DOCK1: variants seen among roughly 807,000 people sequenced by gnomAD.
The protein encoded by DOCK1 is dedicator of cytokinesis protein 1.
DOCK1 carries 138 observed loss-of-function variants against 262.7 expected under a neutral mutation model. That is an observed-to-expected ratio of 0.53 (90% CI 0.46 to 0.61). The LOEUF (loss-of-function observed/expected upper bound fraction) is 0.61, where lower values mean the gene tolerates loss of function less well. DOCK1 is among the 20% of genes least tolerant of loss of function. The probability of loss-of-function intolerance (pLI) is 0.00; values close to 1 mark genes in which losing one functional copy is unlikely to be tolerated. For missense variants in DOCK1, 1,908 were observed against 2,370.7 expected, an observed-to-expected ratio of 0.80 and a Z score of 4.05; for synonymous variants, 866 against 867.4, an observed-to-expected ratio of 1.00 and a Z score of 0.03.
At chr10:127,434,437 G>A (rs1565090097) in intron 48 of DOCK1, among the ~76,000 whole-genome samples, 3 of 152,010 alleles carry the variant, frequency 2.0e-5, no homozygotes, top group East Asian at 3.9e-4. Flanking sequence ...AAGCTCAAGC[G>A]ATCATAACCA....
intron 27 of DOCK1, among the ~76,000 whole-genome samples, chr10:127,180,994 A>T (rs1041720974): frequency 6.6e-6 from 1 of 152,180 alleles, no homozygotes; most frequent in African/African-American, 2.4e-5. Flanking sequence ...AAAATAACAC[A>T]AGGTAAAATC....
At chr10:127,392,440 T>C (rs925883903) in intron 38 of DOCK1, among the ~76,000 whole-genome samples, 7 of 152,096 alleles carry the variant, frequency 4.6e-5, no homozygotes, top group Non-Finnish European at 7.4e-5. Flanking sequence ...CACTCCATTT[T>C]TTTAAATAGC....
intron 1 of DOCK1, among the ~76,000 whole-genome samples, chr10:126,949,444 A>G (rs1264034215): frequency 6.6e-6 from 1 of 152,126 alleles, no homozygotes; most frequent in Non-Finnish European, 1.5e-5. Context: ...TATACATGGC[A>G]GTCCAAAGTG....
In DOCK1 at chr10:127,052,766, C is replaced by G; in HGVS notation, c.2287C>G (p.Leu763Val). The G allele has an allele frequency of 6.2e-7, 1 of 1,613,972 alleles. No homozygotes were observed. Among genetic ancestry groups the G allele is most frequent in the Non-Finnish European group, 8.5e-7 (1 of 1,179,888 alleles). Residue 763 changes from leucine to valine, a missense_variant, in exon 22 of 52, where the codon CTA becomes GTA. This residue lies in a region of DOCK1 where 518 missense variants were observed against 575.1 expected (regional missense o/e 0.90). Transcript: ENST00000623213. ...GCAGCTGTACAAAGCCATGAAAGCG[C>G]TAGAATCCATCTTCAAGTTCATCGT... ...NEQLYKAMKA[L>V]ESIFKFIVRS...
intron 6 of DOCK1, among the ~76,000 whole-genome samples, chr10:126,993,565 A>G (rs1445618458): frequency 6.6e-6 from 1 of 152,210 alleles, no homozygotes; most frequent in Non-Finnish European, 1.5e-5. Flanking sequence ...ACATATTACA[A>G]AAATAACTAA....
At chr10:127,080,811 G>A (rs1295962866) in intron 23 of DOCK1, among the ~76,000 whole-genome samples, 1 of 152,026 alleles carries the variant, frequency 6.6e-6, no homozygotes, top group Non-Finnish European at 1.5e-5. Context: ...GACACCTTTG[G>A]TCTTTTATTT....
At chr10:127,262,212 G>A (rs1433879999) in intron 29 of DOCK1, among the ~76,000 whole-genome samples, 1 of 110,580 alleles carries the variant, frequency 9.0e-6, no homozygotes, top group Non-Finnish European at 1.9e-5. Flanking sequence ...CTGTGTGTGT[G>A]CGTGTGTGTG....
rs116476190 is a variant in DOCK1 at position 127,071,307 on chromosome 10, A to G, written c.2445+9531A>G. Among the ~76,000 whole-genome samples the G allele has an allele frequency of 6.3e-3, 959 of 152,142 alleles. 6 individuals carry two copies. Among genetic ancestry groups the G allele is most frequent in the African/African-American group, 0.022 (920 of 41,498 alleles). On this transcript the variant is annotated intron_variant, in intron 23 of 51. Coordinates refer to ENST00000623213, the MANE Select transcript of DOCK1 (RefSeq NM_001290223.2). ...TGCCCGCTCTGGAGGGAACAATACC[A>G]CTCACATAGGCAAGAATTAATCAGG...
intron 1 of DOCK1, among the ~76,000 whole-genome samples, chr10:126,934,538 T>C (rs2034419959): frequency 6.6e-6 from 1 of 152,220 alleles, no homozygotes; most frequent in African/African-American, 2.4e-5. Context: ...TATAACATTA[T>C]CTTTAAAAAT....
At chr10:127,094,877 T>G (rs759616633) in intron 23 of DOCK1, among the ~76,000 whole-genome samples, 3 of 152,164 alleles carry the variant, frequency 2.0e-5, no homozygotes, top group Admixed American at 6.5e-5. Flanking sequence ...TCTCCATCAT[T>G]TGGAAGTCAC....
intron 33 of DOCK1, among the ~76,000 whole-genome samples, chr10:127,362,632 T>G (rs2133934196): frequency 6.6e-6 from 1 of 152,320 alleles, no homozygotes; most frequent in Non-Finnish European, 1.5e-5. Flanking sequence ...AGTGTGTGTC[T>G]TGTTCTTTTG....
chr10:126,971,572 A>G (rs897685862), intron 2 of DOCK1, among the ~76,000 whole-genome samples: 6 of 151,974 alleles, frequency 3.9e-5, no homozygotes, highest in Non-Finnish European at 8.8e-5. Flanking sequence ...GCATGCTGCC[A>G]CACTCAGCTA....
intron 14 of DOCK1, among the ~76,000 whole-genome samples, 152 bp downstream of exon 14, chr10:127,023,476 C>T (rs1402952962): frequency 6.6e-6 from 1 of 151,080 alleles, no homozygotes; most frequent in East Asian, 1.9e-4. Flanking sequence ...TTTTCTCCAG[C>T]TTGCCATGCA....
At chr10:127,061,168 C>T (rs1486244625) in intron 22 of DOCK1, among the ~76,000 whole-genome samples, 1 of 152,098 alleles carries the variant, frequency 6.6e-6, no homozygotes, top group Non-Finnish European at 1.5e-5. Context: ...GCGGTGGTTG[C>T]AGTGAGCCGA....
At position 127,032,159 on chromosome 10, in the gene DOCK1, A is replaced by G; in HGVS notation, c.1751A>G (p.Asp584Gly). The change falls in exon 18 of 52, where the codon GAT (aspartate) becomes GGT (glycine). Residue 584 changes from aspartate (D) to glycine (G), a missense_variant. Around this residue, in one of 9 missense-constraint regions of DOCK1, gnomAD observed 294 missense variants for 439.9 expected, o/e 0.67. Coordinates refer to ENST00000623213, the MANE Select transcript of DOCK1 (RefSeq NM_001290223.2). Reference sequence around the variant, plus strand: ...CAGGCCGAAGCAAAGAAGCTGGAAGATGCTGCCACGTACTTGAGTCTGCCC... The same window carrying G: ...CAGGCCGAAGCAAAGAAGCTGGAAGGTGCTGCCACGTACTTGAGTCTGCCC... ...VYKAEAKKLE[D>G]AATYLSLPST... The G allele has an allele frequency of 6.3e-7, 1 of 1,595,836 alleles. No individual in the cohort carries two copies.
In DOCK1 at chr10:126,980,371, A is replaced by G. The variant is rs543598026; in HGVS notation, c.172-1547A>G. ...CATGCCTAACTAATTTGTAAAAAAA[A>G]TTTCGGCAGTGAAAGGGTCTCACCA... On this transcript the variant is annotated intron_variant, in intron 3 of 51. Coordinates refer to ENST00000623213, the MANE Select transcript of DOCK1 (RefSeq NM_001290223.2). 7.9e-5 allele frequency among the ~76,000 whole-genome samples: 12 copies of G among 151,908 alleles called. No individual in the cohort carries two copies. The East Asian group carries it at 2.3e-3, about 30-fold the overall frequency.
intron 27 of DOCK1, among the ~76,000 whole-genome samples, chr10:127,182,416 G>GGCTTGGT (rs1363764334): frequency 1.3e-5 from 2 of 152,084 alleles, no homozygotes; most frequent in Non-Finnish European, 2.9e-5. Context: ...GCATGCTTGG[G>GGCTTGGT]GCTTGGTGCT....
At chr10:127,195,344 G>C (rs1201929183) in intron 27 of DOCK1, among the ~76,000 whole-genome samples, 4 of 152,148 alleles carry the variant, frequency 2.6e-5, no homozygotes, top group Admixed American at 2.0e-4. Flanking sequence ...CGCCTGTCCC[G>C]GTCTGACTCG....
intron 28 of DOCK1, among the ~76,000 whole-genome samples, chr10:127,251,053 C>T (rs1210377568): frequency 6.6e-6 from 1 of 151,964 alleles, no homozygotes; most frequent in African/African-American, 2.4e-5. Context: ...ACCTCCTCCT[C>T]CAGGGTTCAA....
Sources: gnomAD v4.1 joint callset for allele counts (sites outside exome capture counted in the v4.1 genomes callset) on GRCh38, gnomAD v4.1.1 for gene constraint, gnomAD v4.1.1 regional missense constraint, MANE v1.5 for transcripts, NCBI Gene and HGNC (gene_info 2026-07-23, HGNC 2026-07-21) for gene names.